The following ENTREP2 variants were observed in gnomAD, a reference collection of about 807,000 sequenced individuals.
ENTREP2 encodes endosomal transmembrane epsin interactor 2, also known as protein ENTREP2.
chr15:29,490,906 C>T, the ENTREP2 span, among the ~76,000 whole-genome samples: 108 of 152,212 alleles, frequency 7.1e-4, no homozygotes, highest in African/African-American at 2.3e-3. Flanking sequence ...TGGGACTGGA[C>T]GCCTATGGAG....
At chr15:29,435,547 T>G in the ENTREP2 span, among the ~76,000 whole-genome samples, 3 of 152,110 alleles carry the variant, frequency 2.0e-5, no homozygotes, top group Non-Finnish European at 4.4e-5. Flanking sequence ...CTTCAAACCA[T>G]CTTTATAGTG....
At chr15:29,143,932 G>A in the ENTREP2 span, among the ~76,000 whole-genome samples, 1 of 152,186 alleles carries the variant, frequency 6.6e-6, no homozygotes, top group Non-Finnish European at 1.5e-5. Flanking sequence ...TGATTTAAGG[G>A]CTAAGGAGGA....
At chr15:29,618,200 G>C in the ENTREP2 span, among the ~76,000 whole-genome samples, 2 of 152,074 alleles carry the variant, frequency 1.3e-5, no homozygotes, top group Admixed American at 1.3e-4. Flanking sequence ...GAGTCGGGCA[G>C]ATCACAAGGT....
chr15:29,629,291 T>C, the ENTREP2 span, among the ~76,000 whole-genome samples: 1 of 152,200 alleles, frequency 6.6e-6, no homozygotes, highest in Non-Finnish European at 1.5e-5. Flanking sequence ...AGATCATTTA[T>C]ATTAAAAATA....
the ENTREP2 span, among the ~76,000 whole-genome samples, chr15:29,161,116 A>G: frequency 2.6e-5 from 4 of 152,222 alleles, no homozygotes; most frequent in African/African-American, 9.6e-5. Context: ...GCAGTCTGCC[A>G]TGGGCCCTGA....
the ENTREP2 span, among the ~76,000 whole-genome samples, chr15:29,172,565 G>A: frequency 6.6e-6 from 1 of 152,108 alleles, no homozygotes; most frequent in African/African-American, 2.4e-5. Flanking sequence ...AGAGCCCGGG[G>A]TGATGAGAGG....
At chr15:29,652,320 C>T in the ENTREP2 span, among the ~76,000 whole-genome samples, 1 of 152,202 alleles carries the variant, frequency 6.6e-6, no homozygotes, top group East Asian at 1.9e-4. Context: ...CAAAAAGGAG[C>T]TACCCACAGT....
the ENTREP2 span, among the ~76,000 whole-genome samples, chr15:29,640,764 A>T: frequency 6.6e-6 from 1 of 152,264 alleles, no homozygotes. Context: ...CTAAAGAATT[A>T]TACTGATCTT....
At chr15:29,470,932 T>C in the ENTREP2 span, among the ~76,000 whole-genome samples, 1 of 152,202 alleles carries the variant, frequency 6.6e-6, no homozygotes, top group Non-Finnish European at 1.5e-5. Flanking sequence ...TAGCAACCAC[T>C]ATTACAGGTG....
At chr15:29,160,230 C>T in the ENTREP2 span, among the ~76,000 whole-genome samples, 7 of 152,236 alleles carry the variant, frequency 4.6e-5, no homozygotes, top group East Asian at 1.9e-4. Flanking sequence ...AAGTACCACG[C>T]GCAGCCCCGG....
At chr15:29,324,266 T>TA in the ENTREP2 span, among the ~76,000 whole-genome samples, 1 of 152,088 alleles carries the variant, frequency 6.6e-6, no homozygotes. Flanking sequence ...GCTATTTTTT[T>TA]ATTTTTATTA....
At chr15:29,549,234 A>G in the ENTREP2 span, among the ~76,000 whole-genome samples, 1 of 152,082 alleles carries the variant, frequency 6.6e-6, no homozygotes, top group Non-Finnish European at 1.5e-5. Context: ...AGAATCACAA[A>G]TAAAAGGCGA....
the ENTREP2 span, among the ~76,000 whole-genome samples, chr15:29,438,392 T>C: frequency 6.6e-6 from 1 of 152,156 alleles, no homozygotes; most frequent in Non-Finnish European, 1.5e-5. Flanking sequence ...GTGGCCATAG[T>C]TGGGTGAGGA....
At chr15:29,242,594 C>T in the ENTREP2 span, among the ~76,000 whole-genome samples, 2 of 152,170 alleles carry the variant, frequency 1.3e-5, no homozygotes, top group African/African-American at 4.8e-5. Flanking sequence ...CTAAGGGGCT[C>T]TTCAGACAGG....
the ENTREP2 span, among the ~76,000 whole-genome samples, chr15:29,599,878 C>T: frequency 6.6e-6 from 1 of 152,246 alleles, no homozygotes; most frequent in Non-Finnish European, 1.5e-5. Flanking sequence ...GAGCAGCAGC[C>T]CTGCCCTTTA....
the ENTREP2 span, among the ~76,000 whole-genome samples, chr15:29,515,481 A>T: frequency 6.6e-6 from 1 of 152,138 alleles, no homozygotes; most frequent in East Asian, 1.9e-4. Context: ...TCAAATGCTC[A>T]TCTCTTCCAG....
At chr15:29,574,018 GA>G in the ENTREP2 span, among the ~76,000 whole-genome samples, 1 of 152,104 alleles carries the variant, frequency 6.6e-6, no homozygotes, top group Admixed American at 6.6e-5. Context: ...AAGGAAAGAA[GA>G]ATGAAAGGGA....
the ENTREP2 span, among the ~76,000 whole-genome samples, chr15:29,202,125 T>G: frequency 6.6e-6 from 1 of 152,326 alleles, no homozygotes; most frequent in African/African-American, 2.4e-5. Flanking sequence ...ATATCCCGGT[T>G]TCTTCCCAGA....
chr15:29,478,262 C>T, the ENTREP2 span, among the ~76,000 whole-genome samples: 3 of 151,730 alleles, frequency 2.0e-5, no homozygotes, highest in East Asian at 5.9e-4. Context: ...CTCCTGACCT[C>T]GTGATCCGCC....
Sources: allele counts gnomAD v4.1 joint callset (sites outside exome capture counted in the v4.1 genomes callset), GRCh38; gene constraint gnomAD v4.1.1; transcripts MANE v1.5; gene names NCBI Gene and HGNC (gene_info 2026-07-23, HGNC 2026-07-21).